NPHP4: variants seen among roughly 807,000 people sequenced by gnomAD.
NPHP4 encodes the protein nephrocystin-4.
NPHP4 carries 151 observed loss-of-function variants against 155.8 expected under a neutral mutation model. The observed-to-expected ratio is 0.97, with a 90% CI of 0.85 to 1.11. NPHP4 has a LOEUF of 1.11. Ranked by LOEUF, NPHP4 falls within the 50% of genes least tolerant of loss-of-function variation. The pLI is 0.00. For missense variants in NPHP4, 1,956 were observed against 1,925.7 expected, an observed-to-expected ratio of 1.02 and a Z score of -0.29; for synonymous variants, 845 against 816.8, an observed-to-expected ratio of 1.03 and a Z score of -0.59.
At chr1:5,901,034 CAAAT>C (rs1299962800) in intron 16 of NPHP4, among the ~76,000 whole-genome samples, 2 of 149,026 alleles carry the variant, frequency 1.3e-5, no homozygotes, top group Non-Finnish European at 3.0e-5. Flanking sequence ...GATCCTGTCT[CAAAT>C]AAAACCCAAA....
chr1:5,904,113 T>C (rs1263550638), intron 16 of NPHP4, among the ~76,000 whole-genome samples: 1 of 152,014 alleles, frequency 6.6e-6, no homozygotes, highest in Non-Finnish European at 1.5e-5. Context: ...CTTCAATAAA[T>C]ACATAAAAAA....
intron 18 of NPHP4, among the ~76,000 whole-genome samples, chr1:5,885,421 A>G (rs991651964): frequency 5.3e-5 from 8 of 152,254 alleles, no homozygotes; most frequent in Non-Finnish European, 1.2e-4. Flanking sequence ...AACCAAGATC[A>G]CTGGGATCAA....
Position 5,890,589 on chromosome 1 carries a change from C to T in NPHP4, c.2304+279G>A, listed in dbSNP as rs1480803300. Reference sequence around the variant, plus strand: ...CCACATGGGAGGAGATGAAGTGACACTGCCTGGTAGGTCAGTTTGCAGGAG... The same window carrying T: ...CCACATGGGAGGAGATGAAGTGACATTGCCTGGTAGGTCAGTTTGCAGGAG... On this transcript the variant is annotated intron_variant, in intron 17 of 29. Transcript: ENST00000378156. The surrounding 1 kb of genome is among the most constrained non-coding windows in gnomAD (Gnocchi z 4.9). 6.6e-6 allele frequency among the ~76,000 whole-genome samples: 1 copy of T among 152,186 alleles called. No individual in the cohort carries two copies. Among genetic ancestry groups the T allele is most frequent in the Non-Finnish European group, 1.5e-5 (1 of 68,034 alleles).
chr1:5,868,866 A>G (rs1475768999), intron 23 of NPHP4, among the ~76,000 whole-genome samples: 1 of 141,902 alleles, frequency 7.0e-6, no homozygotes, highest in African/African-American at 2.7e-5. Context: ...ACATACATGC[A>G]CACATGCCCC....
At chr1:5,898,541 AGCCACGCCTCAGATGCC>A (rs1272719222) in intron 16 of NPHP4, among the ~76,000 whole-genome samples, 1 of 152,226 alleles carries the variant, frequency 6.6e-6, no homozygotes, top group Non-Finnish European at 1.5e-5. Context: ...CCGGGCAGAC[AGCCACGCCTCAGATGCC>A]GCTCTCTGAG....
intron 11 of NPHP4, among the ~76,000 whole-genome samples, chr1:5,926,375 G>A (rs1646004245): frequency 6.6e-6 from 1 of 152,118 alleles, no homozygotes; most frequent in Admixed American, 6.5e-5. Context: ...TATTACTATT[G>A]TACTTTTAAG....
chr1:5,984,396 T>C (rs1377766799), intron 2 of NPHP4, among the ~76,000 whole-genome samples: 9 of 151,988 alleles, frequency 5.9e-5, no homozygotes, highest in Admixed American at 5.9e-4. Flanking sequence ...TAGCCGGGCA[T>C]GGTGGCGCAC....
At chr1:5,891,124 T>G (rs1422802878) in intron 16 of NPHP4, 96 bp from the exon 17 acceptor site, 2 of 821,408 alleles carry the variant, frequency 2.4e-6, no homozygotes, top group Non-Finnish European at 3.6e-6. Flanking sequence ...GATTACTAAT[T>G]TCTGCTTCTG....
intron 2 of NPHP4, among the ~76,000 whole-genome samples, chr1:5,979,199 G>A (rs1056640715): frequency 2.6e-5 from 4 of 152,178 alleles, no homozygotes; most frequent in African/African-American, 9.7e-5. Flanking sequence ...CTTAGTAAAC[G>A]TTACTTACAC....
chr1:5,947,910 C>T (rs543948985), intron 8 of NPHP4, among the ~76,000 whole-genome samples, 160 bp downstream of exon 8: 19 of 152,280 alleles, frequency 1.2e-4, no homozygotes, highest in African/African-American at 4.1e-4. Flanking sequence ...AAACTTCCAA[C>T]TCCAAAGTTT....
At position 5,863,483 on chromosome 1, in the gene NPHP4, G is replaced by A. The variant is rs181963018; in HGVS notation, c.4141-78C>T. On this transcript the variant is annotated intron_variant, in intron 29 of 29. Coordinates refer to ENST00000378156, the MANE Select transcript of NPHP4 (RefSeq NM_015102.5). Reference sequence around the variant, plus strand: ...TCACCAGCAACCTCTCTGCATGGTCGTGTTTATTTCCAAGGGGAGCTGACA... The same window carrying A: ...TCACCAGCAACCTCTCTGCATGGTCATGTTTATTTCCAAGGGGAGCTGACA... The A allele has an allele frequency of 1.2e-4, 188 of 1,533,778 alleles. 2 individuals are homozygous for A. Among genetic ancestry groups the A allele is most frequent in the African/African-American group, 4.6e-4 (34 of 73,542 alleles).
At position 5,863,385 on chromosome 1, in the gene NPHP4, G is replaced by C. The variant is rs1212374217; in HGVS notation, c.4161C>G (p.Tyr1387Ter). 5.0e-6 allele frequency: 8 copies of C among 1,613,932 alleles called. No homozygotes were observed. The South Asian group carries it at 8.8e-5, about 18-fold the overall frequency. Reference sequence around the variant, plus strand: ...TAGGCGCAAACTGCAAGCCGATGGTGTAGGTCTCTCCACCCCCGACCTGGA... The same window carrying C: ...TAGGCGCAAACTGCAAGCCGATGGTCTAGGTCTCTCCACCCCCGACCTGGA... ...DSFQVGGGET[Y>*]TIGLQFAPSQ... The change falls in exon 30 of 30, where the codon TAC (tyrosine) becomes TAG (stop). Residue 1387 changes from tyrosine (Y) to a stop codon, truncating the protein, a stop_gained. Coordinates refer to ENST00000378156, the MANE Select transcript of NPHP4 (RefSeq NM_015102.5). LOFTEE classifies it high-confidence loss of function.
At chr1:5,909,091 G>T in intron 12 of NPHP4, 61 bp downstream of exon 12, 1 of 1,351,020 alleles carries the variant, frequency 7.4e-7, no homozygotes, top group Non-Finnish European at 1.0e-6. Context: ...GGGACAGAGG[G>T]TTTTCTTGCA....
intron 23 of NPHP4, chr1:5,868,413 C>T: frequency 3.9e-6 from 1 of 253,426 alleles, no homozygotes; most frequent in African/African-American, 2.2e-5. Context: ...TTCAAAAGAG[C>T]TACTCATTAA....
intron 12 of NPHP4, among the ~76,000 whole-genome samples, chr1:5,908,110 T>C (rs1453506564): frequency 6.6e-6 from 1 of 152,056 alleles, no homozygotes; most frequent in Non-Finnish European, 1.5e-5. Context: ...GAGGAATGAA[T>C]GGGGGGCGGG....
chr1:5,964,941 A>ATATATATATATATATTTTTTTTTT, intron 5 of NPHP4, among the ~76,000 whole-genome samples: 1 of 59,422 alleles, frequency 1.7e-5, no homozygotes, highest in Non-Finnish European at 2.9e-5. Flanking sequence ...ATATATATAT[A>ATATATATATATATATTTTTTTTTT]TTTTTTTTTT....
chr1:5,880,042 C>T lies in NPHP4; in HGVS notation c.2611+72G>A, dbSNP rs145033846. On this transcript the variant is annotated intron_variant, in intron 19 of 29. Transcript: ENST00000378156. ...ATGCACACACGCATGCACACACACA[C>T]ACACGCAGTCTTCCACCTCTCACCC... is the stretch of plus-strand genomic sequence containing the variant. 3.5e-4 allele frequency: 549 copies of T among 1,559,694 alleles called. 4 individuals carry two copies. The East Asian group carries it at 9.8e-3, about 28-fold the overall frequency.
chr1:5,873,915 T>C (rs1642271522), intron 22 of NPHP4: 2 of 209,340 alleles, frequency 9.6e-6, no homozygotes, highest in Non-Finnish European at 1.9e-5. Context: ...GCACAACTCC[T>C]GCACGCGTGC....
chr1:5,893,075 G>T (rs952466638), intron 16 of NPHP4, among the ~76,000 whole-genome samples: 1 of 152,284 alleles, frequency 6.6e-6, no homozygotes, highest in East Asian at 1.9e-4. Context: ...TGCAGGGATC[G>T]ACCTTAACGC....
Sources: allele counts gnomAD v4.1 joint callset (sites outside exome capture counted in the v4.1 genomes callset), GRCh38; gene constraint gnomAD v4.1.1; non-coding constraint Gnocchi (gnomAD v3.1); transcripts MANE v1.5; gene names NCBI Gene and HGNC (gene_info 2026-07-23, HGNC 2026-07-21).